FGF12: variants seen among roughly 807,000 people sequenced by gnomAD.
FGF12 encodes fibroblast growth factor 12B.
FGF12 carries 14 observed loss-of-function variants against 23.6 expected under a neutral mutation model. The ratio of observed to expected loss-of-function variants is 0.59; its 90% CI spans 0.39 to 0.93. FGF12 has a LOEUF of 0.93. Among genes scored for constraint, FGF12 ranks in the 40% least tolerant of loss-of-function variants. The probability of loss-of-function intolerance (pLI) is 0.00; values close to 1 mark genes in which losing one functional copy is unlikely to be tolerated. For synonymous variants in FGF12, 62 were observed against 77.3 expected, an observed-to-expected ratio of 0.80 and a Z score of 1.04; for missense variants, 175 against 217.8, an observed-to-expected ratio of 0.80 and a Z score of 1.24.
chr3:192,533,071 A>T (rs1725132743), intron 2 of FGF12, among the ~76,000 whole-genome samples: 1 of 152,210 alleles, frequency 6.6e-6, no homozygotes, highest in African/African-American at 2.4e-5. Context: ...TGGAGAAAAA[A>T]TTTAAAATAG....
chr3:192,442,340 A>T (rs910171752), intron 2 of FGF12, among the ~76,000 whole-genome samples: 3 of 152,248 alleles, frequency 2.0e-5, no homozygotes, highest in Admixed American at 1.3e-4. Context: ...CCAGTATAGC[A>T]CTGGGCTTGG....
chr3:192,488,063 A>T (rs1723686719), intron 2 of FGF12, among the ~76,000 whole-genome samples: 1 of 152,092 alleles, frequency 6.6e-6, no homozygotes, highest in African/African-American at 2.4e-5. Flanking sequence ...CATCGTCTAT[A>T]TCACTTTCTT....
intron 2 of FGF12, among the ~76,000 whole-genome samples, chr3:192,715,436 C>T (rs1050389593): frequency 6.6e-6 from 1 of 152,198 alleles, no homozygotes; most frequent in African/African-American, 2.4e-5. Context: ...ACATGTATAT[C>T]AATGTCTCTC....
At chr3:192,226,547 G>A (rs1014654951) in intron 4 of FGF12, among the ~76,000 whole-genome samples, 3 of 152,054 alleles carry the variant, frequency 2.0e-5, no homozygotes, top group African/African-American at 4.8e-5. Context: ...CACACATACT[G>A]CTATGGTCTG....
intron 2 of FGF12, among the ~76,000 whole-genome samples, chr3:192,367,224 C>A (rs1719023696): frequency 6.6e-6 from 1 of 152,164 alleles, no homozygotes; most frequent in Non-Finnish European, 1.5e-5. Flanking sequence ...GACTGTTTAC[C>A]AGGCATCCAG....
chr3:192,399,009 C>T (rs1720645439), intron 2 of FGF12, among the ~76,000 whole-genome samples: 1 of 152,162 alleles, frequency 6.6e-6, no homozygotes, highest in African/African-American at 2.4e-5. Context: ...CTGACCAGGT[C>T]CTGTGCTTAG....
intron 2 of FGF12, among the ~76,000 whole-genome samples, chr3:192,591,133 G>C (rs1489401632): frequency 1.3e-5 from 2 of 151,308 alleles, no homozygotes; most frequent in Non-Finnish European, 2.9e-5. Context: ...GAAGAAGGCG[G>C]TATCTATGGA....
intron 2 of FGF12, among the ~76,000 whole-genome samples, chr3:192,606,367 C>T (rs553468447): frequency 6.6e-6 from 1 of 151,956 alleles, no homozygotes; most frequent in Non-Finnish European, 1.5e-5. Flanking sequence ...CTGAGGACTA[C>T]CAGAAAGAGG....
intron 2 of FGF12, among the ~76,000 whole-genome samples, chr3:192,401,744 C>T (rs1720769572): frequency 6.6e-6 from 1 of 152,132 alleles, no homozygotes; most frequent in Non-Finnish European, 1.5e-5. Flanking sequence ...CGGTTCTTGC[C>T]AAACTTTCCA....
At chr3:192,706,122 A>G (rs994722750) in intron 2 of FGF12, among the ~76,000 whole-genome samples, 2 of 152,200 alleles carry the variant, frequency 1.3e-5, no homozygotes, top group Non-Finnish European at 2.9e-5. Flanking sequence ...AGACTTCATT[A>G]GTTCCTTTTC....
At chr3:192,313,393 G>A (rs1430017306) in intron 4 of FGF12, among the ~76,000 whole-genome samples, 1 of 152,152 alleles carries the variant, frequency 6.6e-6, no homozygotes, top group Non-Finnish European at 1.5e-5. Flanking sequence ...TTTCATGGTA[G>A]AGCTTTCAGT....
At chr3:192,255,004 G>T (rs1712295010) in intron 4 of FGF12, among the ~76,000 whole-genome samples, 1 of 152,042 alleles carries the variant, frequency 6.6e-6, no homozygotes, top group African/African-American at 2.4e-5. Flanking sequence ...ATGTGAACTA[G>T]TAGGAAGAGT....
intron 2 of FGF12, among the ~76,000 whole-genome samples, chr3:192,617,925 C>G (rs1331506170): frequency 6.6e-6 from 1 of 152,038 alleles, no homozygotes; most frequent in Non-Finnish European, 1.5e-5. Context: ...AGTACTCCAG[C>G]TATCCTAGGT....
At chr3:192,497,042 C>T (rs533276792) in intron 2 of FGF12, among the ~76,000 whole-genome samples, 3 of 152,120 alleles carry the variant, frequency 2.0e-5, no homozygotes, top group African/African-American at 4.8e-5. Context: ...TGTCTCAGCC[C>T]GAGTCTCTCC....
chr3:192,235,240 G>A (rs1197768003), intron 4 of FGF12, among the ~76,000 whole-genome samples: 1 of 152,092 alleles, frequency 6.6e-6, no homozygotes, highest in Non-Finnish European at 1.5e-5. Context: ...GCCTGTTCAG[G>A]ATTTCAATTT....
rs1560175608 is a variant in FGF12 at position 192,167,754 on chromosome 3, TA to T, written c.427+2703del. On this transcript the variant is annotated intron_variant, in intron 5 of 5. Coordinates refer to ENST00000445105, the MANE Select transcript of FGF12 (RefSeq NM_004113.6). ...AGGTATATATATATATATATATATATATATATATATATATAAAATTTTTTTT... is the reference window on the plus strand; with the variant it reads ...AGGTATATATATATATATATATATATTATATATATATATAAAATTTTTTTT... 3.7e-3 allele frequency among the ~76,000 whole-genome samples: 106 copies of T among 28,336 alleles called. 9 individuals are homozygous for T. The highest frequency in any genetic ancestry group is 0.035 in the South Asian group (23 of 654). The allele number at this position is 28,336 out of a possible 152,430, so 18.6% of individuals were successfully genotyped here. A position where few individuals can be genotyped will look rare whatever the true frequency, so the allele number is the denominator to read the frequency against.
At chr3:192,269,646 C>T (rs1317886484) in intron 4 of FGF12, among the ~76,000 whole-genome samples, 2 of 152,186 alleles carry the variant, frequency 1.3e-5, no homozygotes, top group East Asian at 1.9e-4. Context: ...TTTAGTTCCT[C>T]TATATAACAC....
chr3:192,649,640 C>A (rs1030041468), intron 2 of FGF12, among the ~76,000 whole-genome samples: 1 of 152,074 alleles, frequency 6.6e-6, no homozygotes, highest in Non-Finnish European at 1.5e-5. Flanking sequence ...GCAACCTCTG[C>A]CTCCCGGTTC....
intron 2 of FGF12, among the ~76,000 whole-genome samples, chr3:192,605,333 G>T (rs1437880250): frequency 1.3e-5 from 2 of 150,594 alleles, no homozygotes; most frequent in Non-Finnish European, 3.0e-5. Flanking sequence ...GTGAGCCAAG[G>T]TCGCACCACT....
Sources: gnomAD v4.1 joint callset for allele counts (sites outside exome capture counted in the v4.1 genomes callset) on GRCh38, gnomAD v4.1.1 for gene constraint, MANE v1.5 for transcripts, NCBI Gene and HGNC (gene_info 2026-07-23, HGNC 2026-07-21) for gene names.